The following LINGO2 variants were observed in gnomAD, a reference collection of about 807,000 sequenced individuals.
LINGO2 encodes leucine rich repeat and Ig domain containing 2, also known as leucine-rich repeat and immunoglobulin-like domain-containing nogo receptor-interacting protein 2.
A neutral mutation model predicts 30.6 loss-of-function variants in LINGO2; 14 were observed. That is an observed-to-expected ratio of 0.46 (90% CI 0.30 to 0.72). The LOEUF is 0.72. Ranked by LOEUF, LINGO2 falls within the 30% of genes least tolerant of loss-of-function variation. The pLI, the probability that LINGO2 is intolerant of heterozygous loss-of-function variation, is 0.07. For missense variants in LINGO2, 729 were observed against 751.7 expected (o/e 0.97, Z 0.35); for synonymous variants, 317 against 288.5 (o/e 1.10, Z -1.00).
the LINGO2 span, among the ~76,000 whole-genome samples, chr9:28,920,700 G>A: frequency 6.9e-6 from 1 of 145,150 alleles, no homozygotes; most frequent in Non-Finnish European, 1.5e-5. Flanking sequence ...AAATGTCAGA[G>A]CCGGTGGCCT....
chr9:28,238,938 C>T (rs1200885196), intron 4 of LINGO2, among the ~76,000 whole-genome samples: 1 of 151,602 alleles, frequency 6.6e-6, no homozygotes, highest in African/African-American at 2.4e-5. Context: ...ATAATTAAAA[C>T]CAGATATGAA....
the LINGO2 span, among the ~76,000 whole-genome samples, chr9:29,186,179 T>C: frequency 6.6e-6 from 1 of 152,148 alleles, no homozygotes; most frequent in Admixed American, 6.5e-5. Context: ...CAGACTATTC[T>C]CAAACTGTAG....
chr9:28,837,551 G>A, the LINGO2 span, among the ~76,000 whole-genome samples: 5 of 149,680 alleles, frequency 3.3e-5, no homozygotes, highest in Admixed American at 6.7e-5. Flanking sequence ...GGAGGCTGAG[G>A]CAGGAGAATT....
At chr9:28,781,151 T>C in the LINGO2 span, among the ~76,000 whole-genome samples, 6 of 152,020 alleles carry the variant, frequency 3.9e-5, no homozygotes, top group East Asian at 7.7e-4. Context: ...CATTATGTAA[T>C]AGGCAGAGTT....
chr9:28,982,332 C>A, the LINGO2 span, among the ~76,000 whole-genome samples: 2 of 151,898 alleles, frequency 1.3e-5, no homozygotes, highest in African/African-American at 2.4e-5. Context: ...AGTCTTTTGG[C>A]GGTAGAAAAT....
intron 4 of LINGO2, among the ~76,000 whole-genome samples, chr9:28,043,554 G>C (rs1055814434): frequency 6.6e-6 from 1 of 152,154 alleles, no homozygotes; most frequent in East Asian, 1.9e-4. Context: ...CAAAGCATAA[G>C]GAATGCTGTT....
At chr9:28,852,450 A>G in the LINGO2 span, among the ~76,000 whole-genome samples, 1 of 151,042 alleles carries the variant, frequency 6.6e-6, no homozygotes, top group Non-Finnish European at 1.5e-5. Context: ...TCAACAGGTA[A>G]GAAATTTTAT....
At chr9:28,055,180 G>C (rs1003749238) in intron 4 of LINGO2, among the ~76,000 whole-genome samples, 1 of 152,104 alleles carries the variant, frequency 6.6e-6, no homozygotes, top group East Asian at 1.9e-4. Context: ...ATGTAAATTG[G>C]CTTAATTTTT....
At chr9:27,981,046 T>C (rs1002567716) in intron 5 of LINGO2, among the ~76,000 whole-genome samples, 18 of 151,876 alleles carry the variant, frequency 1.2e-4, no homozygotes, top group African/African-American at 4.3e-4. Context: ...TGGATTTTCC[T>C]TGGGATTGCT....
chr9:28,273,182 A>G (rs1290318111), intron 4 of LINGO2, among the ~76,000 whole-genome samples: 1 of 152,212 alleles, frequency 6.6e-6, no homozygotes, highest in African/African-American at 2.4e-5. Flanking sequence ...CGTATTGTAT[A>G]AGCTGACCAC....
intron 1 of LINGO2, among the ~76,000 whole-genome samples, chr9:28,612,564 A>G (rs1825964930): frequency 6.6e-6 from 1 of 152,192 alleles, no homozygotes; most frequent in Non-Finnish European, 1.5e-5. Flanking sequence ...TCTGGATGTC[A>G]GTCTTGCATG....
intron 4 of LINGO2, among the ~76,000 whole-genome samples, chr9:28,068,683 A>G (rs1825385361): frequency 6.6e-6 from 1 of 152,178 alleles, no homozygotes; most frequent in African/African-American, 2.4e-5. Context: ...CAATCCTGTA[A>G]GATAAGTAAA....
chr9:28,406,554 C>A (rs1822523650), intron 2 of LINGO2, among the ~76,000 whole-genome samples: 1 of 152,252 alleles, frequency 6.6e-6, no homozygotes, highest in South Asian at 2.1e-4. Flanking sequence ...CTATTTTCTT[C>A]ATTTCTATAT....
chr9:28,967,675 A>G, the LINGO2 span, among the ~76,000 whole-genome samples: 1 of 152,146 alleles, frequency 6.6e-6, no homozygotes, highest in Non-Finnish European at 1.5e-5. Flanking sequence ...TTGACTCTAG[A>G]TATCTAAGGG....
At chr9:28,480,311 T>C (rs1291816477) in intron 1 of LINGO2, among the ~76,000 whole-genome samples, 1 of 151,984 alleles carries the variant, frequency 6.6e-6, no homozygotes, top group Non-Finnish European at 1.5e-5. Context: ...CTATCTTCAA[T>C]AATTTCTTTG....
chr9:28,236,338 C>T (rs1821564019), intron 4 of LINGO2, among the ~76,000 whole-genome samples: 1 of 152,106 alleles, frequency 6.6e-6, no homozygotes, highest in Non-Finnish European at 1.5e-5. Context: ...GGGATTTCTT[C>T]AATCTGAAAA....
chr9:28,585,989 C>T (rs1237362762), intron 1 of LINGO2, among the ~76,000 whole-genome samples: 5 of 151,616 alleles, frequency 3.3e-5, no homozygotes, highest in South Asian at 2.1e-4. Context: ...TCCTGGTCAG[C>T]CCTGGCTTCT....
chr9:28,157,984 A>G (rs1374654189), intron 4 of LINGO2, among the ~76,000 whole-genome samples: 1 of 152,076 alleles, frequency 6.6e-6, no homozygotes, highest in African/African-American at 2.4e-5. Context: ...GAGTCCTCCA[A>G]ACTGTTCCAA....
At chr9:28,268,902 T>C (rs1822845300) in intron 4 of LINGO2, among the ~76,000 whole-genome samples, 1 of 152,092 alleles carries the variant, frequency 6.6e-6, no homozygotes, top group South Asian at 2.1e-4. Flanking sequence ...CAGTTTGGTA[T>C]ACAAGTCTTG....
Sources: gnomAD v4.1 joint callset for allele counts (sites outside exome capture counted in the v4.1 genomes callset) on GRCh38, gnomAD v4.1.1 for gene constraint, MANE v1.5 for transcripts, NCBI Gene and HGNC (gene_info 2026-07-23, HGNC 2026-07-21) for gene names.